ITPR2: variants seen among roughly 807,000 people sequenced by gnomAD.
The protein encoded by ITPR2 is inositol 1,4,5-trisphosphate receptor type 2.
In ITPR2, 207 loss-of-function variants were observed where a neutral mutation model predicts 317.1. The ratio of observed to expected loss-of-function variants is 0.65; its 90% CI spans 0.58 to 0.73. The LOEUF is 0.73. Among genes scored for constraint, ITPR2 ranks in the 30% least tolerant of loss-of-function variants. ITPR2 has a pLI of 0.00. For missense variants in ITPR2, 2,613 were observed against 3,284.0 expected (o/e 0.80, Z 4.99); for synonymous variants, 1,156 against 1,149.1 (o/e 1.01, Z -0.12).
chr12:26,477,039 A>G (rs12319212), intron 43 of ITPR2, 32 bp from the exon 44 acceptor site: 56,423 of 1,360,696 alleles, frequency 0.041, 3,469 homozygotes, highest in East Asian at 0.23. Context: ...ATGTGCATGC[A>G]AAGTCTATTT....
chr12:26,577,211 G>C (rs1366679176), intron 34 of ITPR2, among the ~76,000 whole-genome samples: 1 of 152,228 alleles, frequency 6.6e-6, no homozygotes, highest in Non-Finnish European at 1.5e-5. Flanking sequence ...GACCAGAGAT[G>C]AGGGCAATGT....
chr12:26,616,096 T>G (rs1345451267), intron 26 of ITPR2, among the ~76,000 whole-genome samples: 2 of 151,440 alleles, frequency 1.3e-5, no homozygotes, highest in Non-Finnish European at 2.9e-5. Flanking sequence ...AAGGTAAATT[T>G]TGCCTATGCA....
chr12:26,736,429 T>C (rs1009888738), intron 2 of ITPR2, among the ~76,000 whole-genome samples: 1 of 152,280 alleles, frequency 6.6e-6, no homozygotes, highest in South Asian at 2.1e-4. Flanking sequence ...ATTAACTTTA[T>C]ACAAACATAA....
At chr12:26,768,372 A>G (rs1253784350) in intron 2 of ITPR2, among the ~76,000 whole-genome samples, 1 of 150,548 alleles carries the variant, frequency 6.6e-6, no homozygotes, top group African/African-American at 2.4e-5. Context: ...TATGTAACTA[A>G]CCTGCACAAT....
intron 4 of ITPR2, 93 bp from the exon 5 acceptor site, chr12:26,722,648 T>A: frequency 1.2e-6 from 1 of 863,870 alleles, no homozygotes; most frequent in South Asian, 2.2e-5. Flanking sequence ...TATATTCATC[T>A]AACATGGCTT....
Position 26,398,844 on chromosome 12 carries a change from A to G in ITPR2, c.7696+32T>C, listed in dbSNP as rs199972885. On this transcript the variant is annotated intron_variant, in intron 54 of 56. Transcript: ENST00000381340. Reference sequence around the variant, plus strand: ...CCTCTTTCCTGCAAACAGTCTATTCATCTATTATTTTAGCATCTGCCGAAC... The same window carrying G: ...CCTCTTTCCTGCAAACAGTCTATTCGTCTATTATTTTAGCATCTGCCGAAC... 47 of 1,568,514 alleles carry G rather than the reference A, an allele frequency of 3.0e-5. 1 individual carries two copies. In the Admixed American group the frequency reaches 8.0e-4, roughly 27 times the overall value.
intron 48 of ITPR2, among the ~76,000 whole-genome samples, chr12:26,430,995 TTA>T (rs546398281): frequency 8.1e-4 from 124 of 152,298 alleles, no homozygotes; most frequent in African/African-American, 2.7e-3. Context: ...CTATTGTGCC[TTA>T]TTCATTTCTT....
Position 26,686,614 on chromosome 12 carries a change from T to C in ITPR2, c.1015A>G (p.Thr339Ala). The C allele has an allele frequency of 6.2e-7, 1 of 1,610,300 alleles. No homozygotes were observed. The highest frequency in any genetic ancestry group is 1.3e-5 in the African/African-American group (1 of 74,846). ...CCTGCCTGGCGTTTTTTCTTTGAAG[T>C]TGGAGGGACTCCATCTCTCTGTTGA... is the stretch of plus-strand genomic sequence containing the variant. Reference protein sequence around the residue: ...GKNVRDGVPPTSKKKRQAGEK... With the variant: ...GKNVRDGVPPASKKKRQAGEK... The change falls in exon 11 of 57, where the codon ACT (threonine) becomes GCT (alanine). Residue 339 changes from threonine (T) to alanine (A), a missense_variant. This residue lies in a region of ITPR2 where 515 missense variants were observed against 789.4 expected (regional missense o/e 0.65). Transcript: ENST00000381340.
intron 45 of ITPR2, among the ~76,000 whole-genome samples, chr12:26,469,238 G>GGT (rs1405409150): frequency 6.6e-6 from 1 of 152,160 alleles, no homozygotes; most frequent in African/African-American, 2.4e-5. Flanking sequence ...TGACATAAGA[G>GGT]GTGTTCAATA....
At chr12:26,652,839 G>A (rs1466903282) in intron 21 of ITPR2, among the ~76,000 whole-genome samples, 1 of 152,140 alleles carries the variant, frequency 6.6e-6, no homozygotes, top group Non-Finnish European at 1.5e-5. Context: ...TTCCTTACAG[G>A]TACATATCCA....
At chr12:26,823,804 G>C (rs1439213670) in intron 1 of ITPR2, among the ~76,000 whole-genome samples, 1 of 152,116 alleles carries the variant, frequency 6.6e-6, no homozygotes, top group Non-Finnish European at 1.5e-5. Context: ...TTCAAAGATA[G>C]TCAATAAAAA....
intron 55 of ITPR2, among the ~76,000 whole-genome samples, chr12:26,369,186 T>A (rs569709646): frequency 3.3e-5 from 5 of 152,166 alleles, no homozygotes; most frequent in Non-Finnish European, 7.4e-5. Context: ...CCAGAGCTTG[T>A]AGGACTGGAC....
Position 26,337,640 on chromosome 12 carries a change from G to A in ITPR2, c.*1757C>T, listed in dbSNP as rs534440374. The stretch of plus-strand genomic sequence containing the variant: ...TCATGTATTTATTGACTGCCTCCTA[G>A]GTTCAAAGTTCTGTGCTGCATGCAG... On this transcript the variant is annotated 3_prime_UTR_variant, in exon 57 of 57. Transcript: ENST00000381340. The A allele has an allele frequency of 2.6e-5, 4 of 152,290 alleles. No homozygotes were observed. The highest frequency in any genetic ancestry group is 4.1e-4 in the South Asian group (2 of 4,826). 9.4% of individuals were successfully genotyped at this position (152,290 alleles called of 1,614,324 possible). A position where few individuals can be genotyped will look rare whatever the true frequency, so the allele number is the denominator to read the frequency against.
intron 1 of ITPR2, among the ~76,000 whole-genome samples, chr12:26,807,191 A>G (rs1440564945): frequency 6.8e-6 from 1 of 147,080 alleles, no homozygotes. Context: ...TCTGTCTCAA[A>G]AAAAACAAAA....
chr12:26,427,996 G>A lies in ITPR2; in HGVS notation c.6862C>T (p.Arg2288Trp), dbSNP rs61751236. The change falls in exon 49 of 57, where the codon CGG (arginine) becomes TGG (tryptophan). Residue 2288 changes from arginine (R) to tryptophan (W), a missense_variant. Physicochemically the swap from Arg to Trp is moderately radical, Grantham distance 101. Transcript: ENST00000381340. ...AGCATTATTGATACAAGAAACGGCC[G>A]AATACCCACAGGCTTGGAGAAGAAA... ...LFFFSKPVGI[R>W]PFLVSIMLRS... 9.7e-4 allele frequency: 1,559 copies of A among 1,612,578 alleles called. 10 individuals carry two copies. The highest frequency in any genetic ancestry group is 4.0e-4 in the Non-Finnish European group (468 of 1,179,192).
At chr12:26,417,138 C>A (rs1039400458) in intron 50 of ITPR2, among the ~76,000 whole-genome samples, 1 of 151,916 alleles carries the variant, frequency 6.6e-6, no homozygotes, top group Non-Finnish European at 1.5e-5. Context: ...TATAAAAAAT[C>A]TTTTAAAAAT....
intron 1 of ITPR2, among the ~76,000 whole-genome samples, chr12:26,826,610 T>C (rs550744753): frequency 2.5e-4 from 38 of 152,320 alleles, no homozygotes; most frequent in African/African-American, 8.7e-4. Flanking sequence ...ATGATGCTTA[T>C]GATGCTTTGA....
chr12:26,572,460 T>C (rs1292771399), intron 34 of ITPR2, among the ~76,000 whole-genome samples: 2 of 152,232 alleles, frequency 1.3e-5, no homozygotes, highest in Non-Finnish European at 2.9e-5. Flanking sequence ...AATTTGCTTC[T>C]TGTTCCTTGT....
At chr12:26,514,484 T>C (rs1158889264) in intron 37 of ITPR2, among the ~76,000 whole-genome samples, 1 of 152,218 alleles carries the variant, frequency 6.6e-6, no homozygotes, top group African/African-American at 2.4e-5. Context: ...TATTGGAAAG[T>C]AAATTGTTAT....
Sources: allele counts gnomAD v4.1 joint callset (sites outside exome capture counted in the v4.1 genomes callset), GRCh38; gene constraint gnomAD v4.1.1; regional missense constraint gnomAD v4.1.1; transcripts MANE v1.5; gene names NCBI Gene and HGNC (gene_info 2026-07-23, HGNC 2026-07-21).